Variants in GALNTL6 observed in about 807,000 individuals in gnomAD.
GALNTL6 encodes polypeptide N-acetylgalactosaminyltransferase-like 6.
A neutral mutation model predicts 73.7 loss-of-function variants in GALNTL6; 46 were observed. The ratio of observed to expected loss-of-function variants is 0.62; its 90% CI spans 0.49 to 0.80. GALNTL6 has a LOEUF of 0.80. Ranked by LOEUF, GALNTL6 falls within the 30% of genes least tolerant of loss-of-function variation. The pLI is 0.00. For synonymous variants in GALNTL6, 259 were observed against 263.7 expected, an observed-to-expected ratio of 0.98 and a Z score of 0.17; for missense variants, 604 against 755.0, an observed-to-expected ratio of 0.80 and a Z score of 2.34.
At chr4:172,672,708 A>G (rs896381255) in intron 5 of GALNTL6, among the ~76,000 whole-genome samples, 3 of 151,952 alleles carry the variant, frequency 2.0e-5, no homozygotes, top group African/African-American at 7.3e-5. Flanking sequence ...AGAACTTATT[A>G]TTGGTCTGTC....
At chr4:171,932,060 G>T (rs999139360) in intron 2 of GALNTL6, among the ~76,000 whole-genome samples, 4 of 152,154 alleles carry the variant, frequency 2.6e-5, no homozygotes, top group Non-Finnish European at 5.9e-5. Flanking sequence ...TGTTGGAGAA[G>T]AAGACAACAT....
intron 5 of GALNTL6, among the ~76,000 whole-genome samples, chr4:172,497,118 G>A (rs1734094000): frequency 6.6e-6 from 1 of 152,096 alleles, no homozygotes. Context: ...TCAGTTTATT[G>A]AAGCTGCTGA....
intron 2 of GALNTL6, among the ~76,000 whole-genome samples, chr4:172,146,693 C>T (rs1733936144): frequency 6.6e-6 from 1 of 152,160 alleles, no homozygotes; most frequent in Admixed American, 6.6e-5. Flanking sequence ...TATTGTCTGT[C>T]TCACCTGCTA....
chr4:172,358,450 C>T (rs1742244449), intron 5 of GALNTL6, among the ~76,000 whole-genome samples: 1 of 152,232 alleles, frequency 6.6e-6, no homozygotes, highest in African/African-American at 2.4e-5. Context: ...CCCAGGCTGG[C>T]TTTGAATATG....
At chr4:172,801,434 A>C (rs947916444) in intron 5 of GALNTL6, among the ~76,000 whole-genome samples, 1 of 152,164 alleles carries the variant, frequency 6.6e-6, no homozygotes, top group African/African-American at 2.4e-5. Context: ...CTTTTTTCTG[A>C]AAAAGGTCTT....
At chr4:172,032,515 C>A (rs1741798534) in intron 2 of GALNTL6, among the ~76,000 whole-genome samples, 1 of 151,964 alleles carries the variant, frequency 6.6e-6, no homozygotes, top group Admixed American at 6.6e-5. Flanking sequence ...GGTTGAATAT[C>A]AGTAGATATT....
rs536993827 is a variant in GALNTL6, at chr4:172,080,188, AT to A, written c.139-149462del. On this transcript the variant is annotated intron_variant, in intron 2 of 12. Coordinates refer to ENST00000506823, the MANE Select transcript of GALNTL6 (RefSeq NM_001034845.3). ...TTTACTTATTTATTTCTTATTTAAA[AT>A]TTTTTCTTAGAGACAAGCTCTCGCT... Among the ~76,000 whole-genome samples the A allele has an allele frequency of 2.5e-3, 387 of 151,964 alleles. 2 individuals are homozygous for A. The highest frequency in any genetic ancestry group is 4.0e-3 in the Non-Finnish European group (275 of 68,000).
intron 2 of GALNTL6, among the ~76,000 whole-genome samples, chr4:172,149,423 G>A (rs1734010726): frequency 6.6e-6 from 1 of 152,046 alleles, no homozygotes; most frequent in South Asian, 2.1e-4. Flanking sequence ...TGACCTATGG[G>A]ACATATCTTC....
chr4:172,234,823 T>A lies in GALNTL6; in HGVS notation c.247+5059T>A, dbSNP rs575759350. ...ATGAGCTCATAAAATGACTGTTTAA[T>A]ACTTGCTGTTTTTTATACTTCATAA... On this transcript the variant is annotated intron_variant, in intron 3 of 12. Transcript: ENST00000506823. 3.9e-5 allele frequency among the ~76,000 whole-genome samples: 6 copies of A among 152,310 alleles called. No homozygotes were observed. The South Asian group carries it at 1.0e-3, about 26-fold the overall frequency.
chr4:172,487,191 A>AT (rs1000744177), intron 5 of GALNTL6, among the ~76,000 whole-genome samples: 1 of 151,722 alleles, frequency 6.6e-6, no homozygotes, highest in Non-Finnish European at 1.5e-5. Context: ...GAAAATCTTC[A>AT]TTTTCTTTCT....
At chr4:172,725,855 G>A (rs1560907623) in intron 5 of GALNTL6, among the ~76,000 whole-genome samples, 2 of 152,126 alleles carry the variant, frequency 1.3e-5, no homozygotes, top group African/African-American at 2.4e-5. Context: ...GATAAAATAC[G>A]TACTCTGATA....
chr4:172,082,697 C>T (rs1268575343), intron 2 of GALNTL6, among the ~76,000 whole-genome samples: 5 of 152,054 alleles, frequency 3.3e-5, no homozygotes, highest in Non-Finnish European at 5.9e-5. Flanking sequence ...AATAGGAGAA[C>T]ACAGAAAATA....
At chr4:172,055,662 C>T (rs984892538) in intron 2 of GALNTL6, among the ~76,000 whole-genome samples, 1 of 152,156 alleles carries the variant, frequency 6.6e-6, no homozygotes, top group Non-Finnish European at 1.5e-5. Context: ...AGGCTTTAAG[C>T]TGAGCTCTGC....
At chr4:172,052,052 C>A (rs1034874627) in intron 2 of GALNTL6, among the ~76,000 whole-genome samples, 1 of 152,056 alleles carries the variant, frequency 6.6e-6, no homozygotes, top group East Asian at 1.9e-4. Context: ...TGAAATATTG[C>A]CTTTAAACTT....
intron 2 of GALNTL6, among the ~76,000 whole-genome samples, chr4:171,877,527 A>T (rs1467541895): frequency 6.6e-6 from 1 of 152,158 alleles, no homozygotes; most frequent in African/African-American, 2.4e-5. Flanking sequence ...ACCTGTCCCC[A>T]GCCTCAGCAT....
chr4:171,977,324 G>A (rs968297342), intron 2 of GALNTL6, among the ~76,000 whole-genome samples: 3 of 152,148 alleles, frequency 2.0e-5, no homozygotes, highest in Non-Finnish European at 2.9e-5. Flanking sequence ...GTTAAATAAG[G>A]AAGAGTAGTA....
At chr4:172,365,135 A>G (rs1309102030) in intron 5 of GALNTL6, among the ~76,000 whole-genome samples, 1 of 152,190 alleles carries the variant, frequency 6.6e-6, no homozygotes, top group African/African-American at 2.4e-5. Flanking sequence ...TCAGGAGCAC[A>G]CTCTCTTAAA....
chr4:172,408,469 G>A (rs1264718292), intron 5 of GALNTL6, among the ~76,000 whole-genome samples: 2 of 151,896 alleles, frequency 1.3e-5, no homozygotes, highest in Admixed American at 1.3e-4. Flanking sequence ...TGTGTGTACA[G>A]AAGTAGACAC....
At chr4:172,230,579 CA>C (rs34311240) in intron 3 of GALNTL6, among the ~76,000 whole-genome samples, 2,326 of 131,224 alleles carry the variant, frequency 0.018, 55 homozygotes, top group African/African-American at 0.057. Context: ...GACTCCGTTT[CA>C]AAAAAAAAAA....
Sources: allele counts gnomAD v4.1 joint callset (sites outside exome capture counted in the v4.1 genomes callset), GRCh38; gene constraint gnomAD v4.1.1; transcripts MANE v1.5; gene names NCBI Gene and HGNC (gene_info 2026-07-23, HGNC 2026-07-21).